Variants in MIB1 observed in about 807,000 individuals in gnomAD.
The protein encoded by MIB1 is MIB E3 ubiquitin protein ligase 1, also known as E3 ubiquitin-protein ligase MIB1.
A neutral mutation model predicts 124.5 loss-of-function variants in MIB1; 278 were observed. The ratio of observed to expected loss-of-function variants is 2.23; its 90% CI spans 2.02 to 2.47. The LOEUF is 2.47. MIB1 is among the 30% of genes most tolerant of loss of function. The pLI is 0.00. For synonymous variants in MIB1, 446 were observed against 429.4 expected (o/e 1.04, Z -0.48); for missense variants, 957 against 1,254.4 (o/e 0.76, Z 3.58).
At chr18:21,804,154 A>T in intron 10 of MIB1, 140 bp downstream of exon 10, 1 of 642,392 alleles carries the variant, frequency 1.6e-6, no homozygotes, top group South Asian at 1.9e-5. Flanking sequence ...AATCTGACAG[A>T]GGCAACTTGA....
chr18:21,844,303 G>T, intron 15 of MIB1, 50 bp downstream of exon 15: 2 of 1,560,540 alleles, frequency 1.3e-6, no homozygotes, highest in Non-Finnish European at 1.8e-6. Flanking sequence ...ATCTTTTCAT[G>T]CAAGATCTTA....
chr18:21,705,902 C>T (rs1202684926), intron 1 of MIB1, among the ~76,000 whole-genome samples: 1 of 152,082 alleles, frequency 6.6e-6, no homozygotes, highest in African/African-American at 2.4e-5. Context: ...CTGGACTCCC[C>T]GTGAGCAGAA....
chr18:21,758,461 G>T (rs2041059739), intron 1 of MIB1, among the ~76,000 whole-genome samples: 1 of 152,092 alleles, frequency 6.6e-6, no homozygotes, highest in Non-Finnish European at 1.5e-5. Context: ...CCATAAATTA[G>T]AATTTCTTGG....
chr18:21,792,642 A>C (rs946253030), intron 7 of MIB1, among the ~76,000 whole-genome samples: 1 of 152,258 alleles, frequency 6.6e-6, no homozygotes, highest in Non-Finnish European at 1.5e-5. Context: ...TGTTGTTATG[A>C]TGCTTTTATT....
At chr18:21,842,943 T>C (rs2042104093) in intron 13 of MIB1, among the ~76,000 whole-genome samples, 188 bp from the exon 14 acceptor site, 1 of 152,190 alleles carries the variant, frequency 6.6e-6, no homozygotes, top group African/African-American at 2.4e-5. Context: ...CTTCAGAAAG[T>C]TTGTTGCCCC....
intron 1 of MIB1, among the ~76,000 whole-genome samples, chr18:21,759,892 T>C (rs757942323): frequency 9.9e-5 from 15 of 152,234 alleles, no homozygotes; most frequent in Admixed American, 3.3e-4. Flanking sequence ...AATGTAGTTA[T>C]TGATCTTAAG....
At position 21,814,941 on chromosome 18, in the gene MIB1, A is replaced by C. The variant is rs1598624020; in HGVS notation, c.1480-675A>C. Reference sequence around the variant, plus strand: ...AAAATGGTCTTTGTAAAAATTTTTAAATGTCAAAAAAAATTGGCTTACCAT... The same window carrying C: ...AAAATGGTCTTTGTAAAAATTTTTACATGTCAAAAAAAATTGGCTTACCAT... On this transcript the variant is annotated intron_variant, in intron 10 of 20. Coordinates refer to ENST00000261537, the MANE Select transcript of MIB1 (RefSeq NM_020774.4). Among the ~76,000 whole-genome samples, 3 of 144,928 alleles carry C rather than the reference A, an allele frequency of 2.1e-5. No homozygotes were observed. In the Admixed American group the frequency reaches 2.1e-4, roughly 10 times the overall value.
intron 4 of MIB1, among the ~76,000 whole-genome samples, chr18:21,775,178 C>G (rs1333866498): frequency 6.6e-6 from 1 of 151,902 alleles, no homozygotes; most frequent in African/African-American, 2.4e-5. Flanking sequence ...ATCTCCTGAC[C>G]TCGTGATCCA....
intron 12 of MIB1, chr18:21,831,255 A>ATTTTTTTTTTTTTTT (rs61641899): frequency 1.9e-5 from 2 of 107,742 alleles, no homozygotes; most frequent in African/African-American, 3.4e-5. Flanking sequence ...TTGCTTTTAG[A>ATTTTTTTTTTTTTTT]TTTTTTTTTT....
intron 1 of MIB1, among the ~76,000 whole-genome samples, chr18:21,721,622 C>T (rs889050630): frequency 4.6e-5 from 7 of 152,040 alleles, no homozygotes; most frequent in Admixed American, 2.6e-4. Flanking sequence ...AAGGAAGAAA[C>T]TCAGGTATCT....
At chr18:21,725,958 A>G (rs974298846) in intron 1 of MIB1, among the ~76,000 whole-genome samples, 3 of 152,226 alleles carry the variant, frequency 2.0e-5, no homozygotes, top group Admixed American at 2.0e-4. Flanking sequence ...CCACCTCAGC[A>G]TCTGTGAAAA....
intron 1 of MIB1, among the ~76,000 whole-genome samples, chr18:21,757,262 G>A (rs967042089): frequency 6.6e-6 from 1 of 151,410 alleles, no homozygotes; most frequent in African/African-American, 2.4e-5. Context: ...GACCAGCCTG[G>A]CCAACATGGT....
At chr18:21,802,331 A>C (rs2041658967) in intron 9 of MIB1, among the ~76,000 whole-genome samples, 1 of 151,588 alleles carries the variant, frequency 6.6e-6, no homozygotes, top group Non-Finnish European at 1.5e-5. Flanking sequence ...TTCTTTAGTT[A>C]TTTTATTGGT....
chr18:21,819,347 T>C, intron 11 of MIB1, 148 bp from the exon 12 acceptor site: 1 of 539,468 alleles, frequency 1.9e-6, no homozygotes, highest in East Asian at 3.1e-5. Flanking sequence ...CCTTTGCCTA[T>C]ATTTTTGTAG....
chr18:21,848,273 T>A (rs1437021073), intron 16 of MIB1, among the ~76,000 whole-genome samples: 1 of 152,084 alleles, frequency 6.6e-6, no homozygotes, highest in Non-Finnish European at 1.5e-5. Context: ...CTGACTAACA[T>A]GGTGAGACCC....
intron 8 of MIB1, 98 bp downstream of exon 8, chr18:21,798,326 C>T (rs1598616438): frequency 8.3e-7 from 1 of 1,201,130 alleles, no homozygotes; most frequent in East Asian, 2.4e-5. Context: ...TGTACATGTG[C>T]TTGGCTTTGT....
chr18:21,855,965 T>C (rs2042222309), intron 18 of MIB1, among the ~76,000 whole-genome samples: 2 of 151,574 alleles, frequency 1.3e-5, no homozygotes, highest in African/African-American at 4.9e-5. Context: ...GCGCGGTGGC[T>C]CACGCCTGTA....
At chr18:21,814,405 A>G (rs1439907575) in intron 10 of MIB1, among the ~76,000 whole-genome samples, 1 of 149,398 alleles carries the variant, frequency 6.7e-6, no homozygotes. Context: ...CACACAACTC[A>G]TCTTAGTTTA....
chr18:21,739,593 C>T (rs1423813111), upstream of MIB1, among the ~76,000 whole-genome samples: 1 of 152,084 alleles, frequency 6.6e-6, no homozygotes, highest in African/African-American at 2.4e-5. Flanking sequence ...AAAAGCTTAT[C>T]CACCACTATC....
Sources: allele counts gnomAD v4.1 joint callset (sites outside exome capture counted in the v4.1 genomes callset), GRCh38; gene constraint gnomAD v4.1.1; transcripts MANE v1.5; gene names NCBI Gene and HGNC (gene_info 2026-07-23, HGNC 2026-07-21).